Variants in TMPRSS11E observed in about 807,000 individuals in gnomAD.
TMPRSS11E encodes transmembrane protease serine 11E.
Under a neutral mutation model 48.1 loss-of-function variants are expected in TMPRSS11E, and 38 were observed. The ratio of observed to expected loss-of-function variants is 0.79; its 90% confidence interval spans 0.61 to 1.04. TMPRSS11E has a LOEUF of 1.04. TMPRSS11E is among the 50% of genes least tolerant of loss of function. TMPRSS11E has a pLI of 0.00. For synonymous variants in TMPRSS11E, 158 were observed against 171.9 expected (o/e 0.92, Z 0.63); for missense variants, 530 against 510.8 (o/e 1.04, Z -0.36).
At chr4:68,479,446 A>G (rs968673397) in intron 9 of TMPRSS11E, among the ~76,000 whole-genome samples, 2 of 150,710 alleles carry the variant, frequency 1.3e-5, no homozygotes, top group African/African-American at 4.9e-5. Context: ...TTGTTGTAGA[A>G]AAATTTTAGT....
At chr4:68,478,395 C>T (rs1409775501) in intron 8 of TMPRSS11E, among the ~76,000 whole-genome samples, 7 of 148,524 alleles carry the variant, frequency 4.7e-5, no homozygotes, top group Non-Finnish European at 7.4e-5. Context: ...CTGCCCTCCT[C>T]GGCCTCCGAA....
At chr4:68,493,739 C>T (rs1325415106) in intron 9 of TMPRSS11E, among the ~76,000 whole-genome samples, 1 of 152,174 alleles carries the variant, frequency 6.6e-6, no homozygotes, top group Non-Finnish European at 1.5e-5. Flanking sequence ...CTACCTGCCT[C>T]AGCTTCCCAA....
intron 1 of TMPRSS11E, among the ~76,000 whole-genome samples, chr4:68,458,568 A>G (rs1371940243): frequency 1.3e-5 from 2 of 152,188 alleles, no homozygotes; most frequent in Non-Finnish European, 2.9e-5. Context: ...TATGTTCAGG[A>G]GGAGGTTAAT....
At chr4:68,472,948 G>T (rs62317558) in intron 5 of TMPRSS11E, among the ~76,000 whole-genome samples, 1 of 151,898 alleles carries the variant, frequency 6.6e-6, no homozygotes, top group African/African-American at 2.4e-5. Context: ...ATGCAATGTC[G>T]ATATAAATGC....
At chr4:68,489,328 G>A (rs1729650896) in intron 9 of TMPRSS11E, among the ~76,000 whole-genome samples, 1 of 152,168 alleles carries the variant, frequency 6.6e-6, no homozygotes, top group South Asian at 2.1e-4. Context: ...TAGAGGTTAA[G>A]TACCTCCTGG....
rs530087805 is a variant in TMPRSS11E, at chr4:68,488,513, CT to C, written c.1111-8126del. ...CAGCTCTAGGAGATCAGTTTCTCTT[CT>C]TTTCTTTCCTTTTTTCTTTTCTCTC... On this transcript the variant is annotated intron_variant, in intron 9 of 9. Transcript: ENST00000305363. Among the ~76,000 whole-genome samples, 69 of 152,066 alleles carry C rather than the reference CT, an allele frequency of 4.5e-4. 1 individual carries two copies. The highest frequency in any genetic ancestry group is 1.6e-3 in the African/African-American group (67 of 41,498).
rs147196017 is a variant in TMPRSS11E, at chr4:68,476,438, C to A, written c.707C>A (p.Thr236Lys). 1.2e-6 allele frequency: 2 copies of A among 1,605,506 alleles called. No individual in the cohort carries two copies. Among genetic ancestry groups the A allele is most frequent in the Admixed American group, 1.7e-5 (1 of 59,298 alleles). ...GTGAGTGCTGCTCACTGTTTTACAA[C>A]GTAAGTCTTGAAGCTTGAGAATGAT... ...WLVSAAHCFTTYKNPARWTAS... is the reference protein window; with the variant it reads ...WLVSAAHCFTKYKNPARWTAS... The change falls in exon 7 of 10, where the codon ACA (threonine) becomes AAA (lysine). Residue 236 changes from threonine (T) to lysine (K), a missense_variant and splice_region_variant. Coordinates refer to ENST00000305363, the MANE Select transcript of TMPRSS11E (RefSeq NM_014058.4).
In TMPRSS11E at chr4:68,471,628, G is replaced by C. The variant is rs750968008; in HGVS notation, c.490+5G>C. 2 of 1,560,022 alleles carry C rather than the reference G, an allele frequency of 1.3e-6. No homozygotes were observed. Among genetic ancestry groups the C allele is most frequent in the Admixed American group, 2.0e-5 (1 of 49,336 alleles). On this transcript the variant is annotated splice_donor_5th_base_variant and intron_variant, in intron 5 of 9. Coordinates refer to ENST00000305363, the MANE Select transcript of TMPRSS11E (RefSeq NM_014058.4). ...CTCACTCAGTTAAAATTAAAAGTAA[G>C]TTAATTTCTCTTATTTTTCTTTCAT...
At chr4:68,487,839 G>A (rs1171577671) in intron 9 of TMPRSS11E, among the ~76,000 whole-genome samples, 1 of 151,134 alleles carries the variant, frequency 6.6e-6, no homozygotes, top group Non-Finnish European at 1.5e-5. Flanking sequence ...TATTCGGGAG[G>A]CTGAGGCAGG....
chr4:68,494,533 C>G (rs1426002606), intron 9 of TMPRSS11E, among the ~76,000 whole-genome samples: 1 of 152,100 alleles, frequency 6.6e-6, no homozygotes, highest in Non-Finnish European at 1.5e-5. Flanking sequence ...TGTCTTAATA[C>G]TTCCACGGCT....
intron 2 of TMPRSS11E, among the ~76,000 whole-genome samples, chr4:68,462,538 A>T (rs1164850842): frequency 6.6e-6 from 1 of 151,454 alleles, no homozygotes; most frequent in Non-Finnish European, 1.5e-5. Flanking sequence ...AGCCGAGATC[A>T]CACCGCTGCA....
intron 1 of TMPRSS11E, among the ~76,000 whole-genome samples, chr4:68,448,960 A>C (rs773109129): frequency 5.3e-5 from 8 of 151,780 alleles, no homozygotes; most frequent in Non-Finnish European, 1.0e-4. Flanking sequence ...GGGATAATTG[A>C]AATCCTAGGA....
intron 1 of TMPRSS11E, among the ~76,000 whole-genome samples, chr4:68,454,670 C>A (rs969720751): frequency 6.6e-6 from 1 of 151,828 alleles, no homozygotes; most frequent in African/African-American, 2.4e-5. Flanking sequence ...AATTTTGTTA[C>A]ATGTAGAAAT....
intron 9 of TMPRSS11E, among the ~76,000 whole-genome samples, chr4:68,484,856 T>A (rs574975646): frequency 3.7e-4 from 56 of 152,334 alleles, no homozygotes; most frequent in African/African-American, 1.1e-3. Context: ...GGGCAGAGAC[T>A]GTGGAGTTTT....
chr4:68,482,391 C>G (rs762707029), intron 9 of TMPRSS11E, among the ~76,000 whole-genome samples: 16 of 152,024 alleles, frequency 1.1e-4, no homozygotes, highest in Non-Finnish European at 1.5e-4. Context: ...TGTCTTCTCA[C>G]ATTGCAAAAT....
chr4:68,479,932 T>G (rs1299005936), intron 9 of TMPRSS11E, among the ~76,000 whole-genome samples: 1 of 152,076 alleles, frequency 6.6e-6, no homozygotes, highest in Non-Finnish European at 1.5e-5. Flanking sequence ...TACTGGAGCA[T>G]AATTTAGCAC....
At chr4:68,451,540 T>C (rs1292048214) in intron 1 of TMPRSS11E, among the ~76,000 whole-genome samples, 1 of 151,940 alleles carries the variant, frequency 6.6e-6, no homozygotes, top group Non-Finnish European at 1.5e-5. Flanking sequence ...ATTTAAATTC[T>C]ATTTTGCAAC....
intron 1 of TMPRSS11E, among the ~76,000 whole-genome samples, chr4:68,450,836 C>G (rs1728478254): frequency 6.6e-6 from 1 of 151,800 alleles, no homozygotes; most frequent in African/African-American, 2.4e-5. Context: ...TCTCTGTTTT[C>G]TAAAAAGGAT....
chr4:68,481,201 A>C (rs1013285123), intron 9 of TMPRSS11E, among the ~76,000 whole-genome samples: 3 of 152,206 alleles, frequency 2.0e-5, no homozygotes, highest in Non-Finnish European at 4.4e-5. Flanking sequence ...TATCCAGTCC[A>C]CTGTTGATGG....
Sources: gnomAD v4.1 joint callset for allele counts (sites outside exome capture counted in the v4.1 genomes callset) on GRCh38, gnomAD v4.1.1 for gene constraint, MANE v1.5 for transcripts, NCBI Gene and HGNC (gene_info 2026-07-23, HGNC 2026-07-21) for gene names.